Variants in ZNF285 observed in about 807,000 individuals in gnomAD.
The protein encoded by ZNF285 is zinc finger protein 285.
A neutral mutation model predicts 6.2 loss-of-function variants in ZNF285; 4 were observed. The ratio of observed to expected loss-of-function variants is 0.65; its 90% CI spans 0.32 to 1.49. The LOEUF is 1.49. ZNF285 is among the 40% of genes most tolerant of loss of function. The pLI is 0.07. For synonymous variants in ZNF285, 240 were observed against 245.8 expected, an observed-to-expected ratio of 0.98 and a Z score of 0.22; for missense variants, 695 against 708.8, an observed-to-expected ratio of 0.98 and a Z score of 0.22.
chr19:44,388,523 G>A (rs1031241372), intron 3 of ZNF285, among the ~76,000 whole-genome samples: 1 of 151,968 alleles, frequency 6.6e-6, no homozygotes, highest in Non-Finnish European at 1.5e-5. Context: ...AGTGAGCCAA[G>A]ATTGTGCCAC....
chr19:44,386,391 C>T lies in ZNF285; in HGVS notation c.*81G>A, dbSNP rs1329846412. 1 of 1,463,484 alleles carries T rather than the reference C, an allele frequency of 6.8e-7. No homozygotes were observed. The highest frequency in any genetic ancestry group is 1.3e-5 in the South Asian group (1 of 74,356). The allele number at this position is 1,463,484 out of a possible 1,614,324, so 90.7% of individuals were successfully genotyped here. On this transcript the variant is annotated 3_prime_UTR_variant, in exon 4 of 4. Transcript: ENST00000614994. ...GTCCCTGTCTTTTGCTCCCCTAGCC[C>T]TCCCACAGGCTGAGTAAGCCTCTAT...
rs1169811826 is a variant in ZNF285, at chr19:44,386,872, C to T, written c.1373G>A (p.Cys458Tyr). ...RVHTGEKPYKCNVCGKDFAYS... is the reference protein window; with the variant it reads ...RVHTGEKPYKYNVCGKDFAYS... Reference sequence around the variant, plus strand: ...CGCAAAATCCTTTCCACACACATTGCATTTGTATGGTTTCTCCCCTGTGTG... The same window carrying T: ...CGCAAAATCCTTTCCACACACATTGTATTTGTATGGTTTCTCCCCTGTGTG... The change falls in exon 4 of 4, where the codon TGC becomes TAC. Residue 458 changes from cysteine to tyrosine, a missense_variant. Coordinates refer to ENST00000614994, the MANE Select transcript of ZNF285 (RefSeq NM_152354.6). 6.2e-7 allele frequency: 1 copy of T among 1,614,216 alleles called. No individual in the cohort carries two copies. The highest frequency in any genetic ancestry group is 1.1e-5 in the South Asian group (1 of 91,076).
At chr19:44,390,959 T>A (rs1167572730) in intron 3 of ZNF285, among the ~76,000 whole-genome samples, 1 of 151,894 alleles carries the variant, frequency 6.6e-6, no homozygotes, top group African/African-American at 2.4e-5. Flanking sequence ...ATTGAGGCCA[T>A]CTTGGCCGAC....
intron 1 of ZNF285, among the ~76,000 whole-genome samples, chr19:44,398,957 A>G (rs1283552713): frequency 6.6e-6 from 1 of 152,138 alleles, no homozygotes; most frequent in Non-Finnish European, 1.5e-5. Context: ...TATTCTGGTA[A>G]GATACAGTAA....
At chr19:44,392,638 C>T (rs1258620157) in intron 2 of ZNF285, 172 bp from the exon 3 acceptor site, 65 of 1,298,502 alleles carry the variant, frequency 5.0e-5, no homozygotes, top group Non-Finnish European at 7.0e-5. Context: ...AGATAGGTTT[C>T]ATTCAGGTTT....
At chr19:44,388,718 G>A (rs1390221266) in intron 3 of ZNF285, among the ~76,000 whole-genome samples, 1 of 143,758 alleles carries the variant, frequency 7.0e-6, no homozygotes, top group Non-Finnish European at 1.5e-5. Context: ...TTTATGTAGT[G>A]TGTGTGTATA....
chr19:44,400,458 G>T (rs1026259435), intron 1 of ZNF285, among the ~76,000 whole-genome samples: 2 of 152,128 alleles, frequency 1.3e-5, no homozygotes, highest in African/African-American at 4.8e-5. Context: ...CTTCAAATTT[G>T]TTGAGTGTAA....
At chr19:44,399,288 G>A (rs531356200) in intron 1 of ZNF285, among the ~76,000 whole-genome samples, 1 of 144,684 alleles carries the variant, frequency 6.9e-6, no homozygotes, top group Non-Finnish European at 1.5e-5. Flanking sequence ...AAAATAAGGA[G>A]GGTTCAACTC....
intron 3 of ZNF285, among the ~76,000 whole-genome samples, chr19:44,390,116 T>C (rs550446727): frequency 1.3e-5 from 2 of 152,018 alleles, no homozygotes; most frequent in South Asian, 4.2e-4. Flanking sequence ...CCACACAGAG[T>C]CCCTACTAGG....
In ZNF285 at chr19:44,384,688, A is replaced by G. The variant is rs1380724096; in HGVS notation, c.*1784T>C. The G allele has an allele frequency of 1.3e-5, 2 of 148,908 alleles. No homozygotes were observed. Among genetic ancestry groups the G allele is most frequent in the South Asian group, 2.1e-4 (1 of 4,694 alleles). 9.2% of individuals were successfully genotyped at this position (148,908 alleles called of 1,614,324 possible). A position where few individuals can be genotyped will look rare whatever the true frequency, so the allele number is the denominator to read the frequency against. On this transcript the variant is annotated 3_prime_UTR_variant, in exon 4 of 4. Coordinates refer to ENST00000614994, the MANE Select transcript of ZNF285 (RefSeq NM_152354.6). ...CAAAAAAGGACACTGTTTTTGAAGG[A>G]AAAAAAAAACACCTTGTGGGATGAG...
At chr19:44,400,879 C>G (rs1247144190) in intron 1 of ZNF285, among the ~76,000 whole-genome samples, 3 of 152,112 alleles carry the variant, frequency 2.0e-5, no homozygotes, top group African/African-American at 7.2e-5. Context: ...CCGCGCCAGG[C>G]CTGGGACAGT....
Position 44,392,446 on chromosome 19 carries a change from A to G in ZNF285, c.36T>C (p.Asp12=), listed in dbSNP as rs1971213170. 1.2e-6 allele frequency: 2 copies of G among 1,613,898 alleles called. No homozygotes were observed. Among genetic ancestry groups the G allele is most frequent in the Non-Finnish European group, 1.7e-6 (2 of 1,179,842 alleles). Residue 12 remains aspartate, a synonymous_variant, in exon 3 of 4, where the codon GAT becomes GAC. Coordinates refer to ENST00000614994, the MANE Select transcript of ZNF285 (RefSeq NM_152354.6). ...IKFQERVTFK[D]VAVVFTKEEL... ...CTTCCTTGGTGAAGACAACAGCCAC[A>G]TCCTTGAATGTCACCCTTTCCTAAA...
chr19:44,394,330 G>A (rs1170028536), intron 2 of ZNF285, among the ~76,000 whole-genome samples: 1 of 151,924 alleles, frequency 6.6e-6, no homozygotes, highest in African/African-American at 2.4e-5. Flanking sequence ...GTTAATGGGT[G>A]CAGCACACCA....
rs1160844129 is a variant in ZNF285, at chr19:44,386,088, G to GT, written c.*383dup. On this transcript the variant is annotated 3_prime_UTR_variant, in exon 4 of 4. Transcript: ENST00000614994. ...CTTTTGAATGTTCTTCATACAGAGA[G>GT]TATTTTTCTACTGGGGACTAAAAAA... 1 of 183,208 alleles carries GT rather than the reference G, an allele frequency of 5.5e-6. No individual in the cohort carries two copies. The highest frequency in any genetic ancestry group is 1.2e-5 in the Non-Finnish European group (1 of 85,178). 11.3% of individuals were successfully genotyped at this position (183,208 alleles called of 1,614,324 possible). A position where few individuals can be genotyped will look rare whatever the true frequency, so the allele number is the denominator to read the frequency against.
chr19:44,398,327 T>C (rs1971319330), intron 1 of ZNF285, among the ~76,000 whole-genome samples: 1 of 151,430 alleles, frequency 6.6e-6, no homozygotes, highest in African/African-American at 2.4e-5. Context: ...CTTATATCAG[T>C]GGATTCCCTT....
At chr19:44,391,283 GTCTA>G (rs1229280548) in intron 3 of ZNF285, among the ~76,000 whole-genome samples, 1 of 151,850 alleles carries the variant, frequency 6.6e-6, no homozygotes, top group Non-Finnish European at 1.5e-5. Flanking sequence ...TCCAGTACAC[GTCTA>G]TCTTTTGTAA....
intron 3 of ZNF285, among the ~76,000 whole-genome samples, chr19:44,388,655 C>T (rs972419610): frequency 3.3e-5 from 5 of 150,930 alleles, no homozygotes; most frequent in South Asian, 4.2e-4. Context: ...TAAGAGTAGT[C>T]GATAAAAAGC....
Position 44,386,846 on chromosome 19 carries a change from A to G in ZNF285, c.1399T>C (p.Tyr467His). Residue 467 changes from tyrosine (Y) to histidine (H), a missense_variant, in exon 4 of 4, where the codon TAT becomes CAT. Physicochemically the swap from Tyr to His is moderately conservative, Grantham distance 83 (BLOSUM62 2). Coordinates refer to ENST00000614994, the MANE Select transcript of ZNF285 (RefSeq NM_152354.6). The part of the protein sequence containing the change: ...KCNVCGKDFA[Y>H]SSVLHTHQRV... Reference sequence around the variant, plus strand: ...TGATGAGTGTGAAGAACAGAGCTATACGCAAAATCCTTTCCACACACATTG... The same window carrying G: ...TGATGAGTGTGAAGAACAGAGCTATGCGCAAAATCCTTTCCACACACATTG... The G allele has an allele frequency of 1.9e-6, 3 of 1,614,222 alleles. No individual in the cohort carries two copies. Among genetic ancestry groups the G allele is most frequent in the Middle Eastern group, 1.6e-4 (1 of 6,062 alleles).
intron 2 of ZNF285, among the ~76,000 whole-genome samples, chr19:44,396,138 T>C (rs568373999): frequency 1.3e-5 from 2 of 152,260 alleles, no homozygotes; most frequent in African/African-American, 4.8e-5. Context: ...TAAGGTACTA[T>C]ACAAAAGTGA....
Sources: gnomAD v4.1 joint callset for allele counts (sites outside exome capture counted in the v4.1 genomes callset) on GRCh38, gnomAD v4.1.1 for gene constraint, MANE v1.5 for transcripts, NCBI Gene and HGNC (gene_info 2026-07-23, HGNC 2026-07-21) for gene names.